The following EFR3A variants were observed in gnomAD, a reference collection of about 807,000 sequenced individuals.
The protein encoded by EFR3A is EFR3 homolog A.
In EFR3A, 76 loss-of-function variants were observed where a neutral mutation model predicts 104.4. That is an observed-to-expected ratio of 0.73 (90% CI 0.60 to 0.88). The LOEUF (loss-of-function observed/expected upper bound fraction) is 0.88. Among genes scored for constraint, EFR3A ranks in the 40% least tolerant of loss-of-function variants. The pLI is 0.00. For synonymous variants in EFR3A, 330 were observed against 330.0 expected (o/e 1.00, Z 0.00); for missense variants, 985 against 1,012.5 (o/e 0.97, Z 0.37).
At chr8:131,966,228 A>G (rs886220235) in intron 8 of EFR3A, among the ~76,000 whole-genome samples, 1 of 152,094 alleles carries the variant, frequency 6.6e-6, no homozygotes. Context: ...TAAATAAATA[A>G]AAAGCAACAA....
Position 131,976,124 on chromosome 8 carries a change from G to A in EFR3A, c.1257G>A (p.Leu419=). The A allele has an allele frequency of 6.3e-7, 1 of 1,589,904 alleles. No homozygotes were observed. Among genetic ancestry groups the A allele is most frequent in the Non-Finnish European group, 8.6e-7 (1 of 1,163,972 alleles). Residue 419 remains leucine, a synonymous_variant, in exon 11 of 23, where the codon TTG becomes TTA. Transcript: ENST00000254624. ...VPVFGTSTHT[L]DISQLGDLGT... ...TCTTTGGAACATCTACCCATACTTT[G>A]GATATCAGTCAACTAGGGTATGTTC...
rs1818113318 is a variant in EFR3A, at chr8:131,940,522, T to G, written c.34T>G (p.Leu12Val). The G allele has an allele frequency of 6.2e-7, 1 of 1,607,430 alleles. No homozygotes were observed. The highest frequency in any genetic ancestry group is 1.7e-5 in the Admixed American group (1 of 59,368). ...AGGAGTATGCTGCTGCTGTTCCGCT[T>G]TGCGTCCTCGCTACAAACGCCTGGT... The part of the protein sequence containing the change: ...PTRVCCCCSA[L>V]RPRYKRLVDN... Residue 12 changes from leucine to valine, a missense_variant, in exon 2 of 23, where the codon TTG becomes GTG. Physicochemically the swap from Leu to Val is conservative, Grantham distance 32 (BLOSUM62 1). Coordinates refer to ENST00000254624, the MANE Select transcript of EFR3A (RefSeq NM_015137.6).
rs1450817912 is a variant in EFR3A, at chr8:131,978,529, T to C, written c.1327-318T>C. Among the ~76,000 whole-genome samples the C allele has an allele frequency of 6.6e-5, 10 of 152,300 alleles. No individual in the cohort carries two copies. The East Asian group carries it at 1.7e-3, about 26-fold the overall frequency. On this transcript the variant is annotated intron_variant, in intron 12 of 22. Transcript: ENST00000254624. The stretch of plus-strand genomic sequence containing the variant: ...AACCTTAACCTCTCTGTGCCTCAGT[T>C]TCTCCTTATGAATGGCGATTCACTA...
At chr8:131,968,091 T>C (rs1819852186) in intron 8 of EFR3A, among the ~76,000 whole-genome samples, 1 of 152,166 alleles carries the variant, frequency 6.6e-6, no homozygotes, top group South Asian at 2.1e-4. Flanking sequence ...ATGCTTTTTT[T>C]CACTCAGAGT....
At chr8:131,989,245 T>C (rs1438297595) in intron 18 of EFR3A, among the ~76,000 whole-genome samples, 1 of 152,168 alleles carries the variant, frequency 6.6e-6, no homozygotes, top group African/African-American at 2.4e-5. Context: ...AATCTGTAAT[T>C]AAATTTCCTT....
At chr8:131,942,845 G>T (rs1206839205) in intron 2 of EFR3A, among the ~76,000 whole-genome samples, 1 of 152,012 alleles carries the variant, frequency 6.6e-6, no homozygotes, top group African/African-American at 2.4e-5. Context: ...GCAAAGAGAT[G>T]AGTTGAGTGA....
At chr8:131,927,190 C>G (rs75694124) in intron 1 of EFR3A, among the ~76,000 whole-genome samples, 1 of 152,022 alleles carries the variant, frequency 6.6e-6, no homozygotes, top group Non-Finnish European at 1.5e-5. Context: ...AGCTTTAGGT[C>G]GTGGTTAAGG....
In EFR3A at chr8:131,987,643, T is replaced by C; in HGVS notation, c.2006T>C (p.Leu669Pro). ...YFLTNKIAES[L>P]GGSGYSVERL... ...CTGACCAACAAGATTGCAGAGTCGC[T>C]AGGTGGAAGTGGATATAGTGTTGAG... Residue 669 changes from leucine to proline, a missense_variant, in exon 18 of 23, where the codon CTA becomes CCA. Coordinates refer to ENST00000254624, the MANE Select transcript of EFR3A (RefSeq NM_015137.6). 1.0e-5 allele frequency: 16 copies of C among 1,597,430 alleles called. No homozygotes were observed. Among genetic ancestry groups the C allele is most frequent in the Non-Finnish European group, 1.4e-5 (16 of 1,170,894 alleles).
Position 131,944,801 on chromosome 8 carries a change from A to G in EFR3A, c.144A>G (p.Pro48=). Residue 48 remains proline, a synonymous_variant, in exon 3 of 23, where the codon CCA becomes CCG. Coordinates refer to ENST00000254624, the MANE Select transcript of EFR3A (RefSeq NM_015137.6). ...EKLTFYAVSA[P]EKLDRIGSYL... ...TGACATTTTATGCAGTATCTGCTCC[A>G]GAGAAACTGGATCGAATTGGTTCTT... is the stretch of plus-strand genomic sequence containing the variant. 2 of 1,609,612 alleles carry G rather than the reference A, an allele frequency of 1.2e-6. No individual in the cohort carries two copies. The highest frequency in any genetic ancestry group is 1.1e-5 in the South Asian group (1 of 90,352).
intron 16 of EFR3A, 112 bp downstream of exon 16, chr8:131,985,172 T>A: frequency 9.0e-7 from 1 of 1,106,462 alleles, no homozygotes; most frequent in Non-Finnish European, 1.3e-6. Context: ...AAGGTAATTC[T>A]ATAAAAATCT....
intron 1 of EFR3A, among the ~76,000 whole-genome samples, chr8:131,933,094 T>C (rs1817695826): frequency 6.6e-6 from 1 of 152,184 alleles, no homozygotes; most frequent in Non-Finnish European, 1.5e-5. Context: ...AATGTTCTTT[T>C]TTTAATTCTA....
chr8:131,905,824 A>C (rs978799303), intron 1 of EFR3A, among the ~76,000 whole-genome samples: 1 of 152,240 alleles, frequency 6.6e-6, no homozygotes, highest in Non-Finnish European at 1.5e-5. Context: ...TTGAGGCTTC[A>C]AGTAGAATTT....
chr8:131,997,361 T>A (rs1376450588), intron 19 of EFR3A, among the ~76,000 whole-genome samples: 2 of 152,054 alleles, frequency 1.3e-5, no homozygotes, highest in Non-Finnish European at 2.9e-5. Context: ...CAAGCCTCCC[T>A]CCTACCCCCT....
intron 3 of EFR3A, 37 bp from the exon 4 acceptor site, chr8:131,946,446 T>G: frequency 2.0e-6 from 3 of 1,498,020 alleles, no homozygotes; most frequent in Non-Finnish European, 2.7e-6. Flanking sequence ...TTAAGAGAGG[T>G]AGAAATGCTT....
chr8:132,004,322 A>T (rs527552478), intron 22 of EFR3A, among the ~76,000 whole-genome samples: 3 of 152,356 alleles, frequency 2.0e-5, no homozygotes, highest in Admixed American at 2.0e-4. Flanking sequence ...GCAGGAGGTG[A>T]GCAGTGGGCA....
At chr8:131,991,537 A>T (rs1448022902) in intron 18 of EFR3A, among the ~76,000 whole-genome samples, 1 of 152,140 alleles carries the variant, frequency 6.6e-6, no homozygotes, top group Non-Finnish European at 1.5e-5. Flanking sequence ...CAAGTAAAGT[A>T]GCTTGTAGGC....
chr8:131,904,838 C>T (rs1816162829), intron 1 of EFR3A, among the ~76,000 whole-genome samples: 1 of 152,166 alleles, frequency 6.6e-6, no homozygotes, highest in Non-Finnish European at 1.5e-5. Context: ...GCTTGTTAGG[C>T]AGAGGCACCT....
At chr8:131,934,756 C>CAGT (rs1487657226) in intron 1 of EFR3A, among the ~76,000 whole-genome samples, 1 of 151,744 alleles carries the variant, frequency 6.6e-6, no homozygotes, top group Non-Finnish European at 1.5e-5. Context: ...TGATAATATG[C>CAGT]AGTACACAGA....
chr8:131,954,478 T>C (rs1818874477), intron 6 of EFR3A, among the ~76,000 whole-genome samples: 4 of 152,100 alleles, frequency 2.6e-5, no homozygotes, highest in Admixed American at 2.6e-4. Context: ...AATATTGTTT[T>C]AGGATATAGG....
Sources: allele counts gnomAD v4.1 joint callset (sites outside exome capture counted in the v4.1 genomes callset), GRCh38; gene constraint gnomAD v4.1.1; transcripts MANE v1.5; gene names NCBI Gene and HGNC (gene_info 2026-07-23, HGNC 2026-07-21).